Variants in GRM7 observed in about 807,000 individuals in gnomAD.
GRM7 encodes metabotropic glutamate receptor 7.
In GRM7, 35 loss-of-function variants were observed where a neutral mutation model predicts 84.5. The ratio of observed to expected loss-of-function variants is 0.41; its 90% CI spans 0.32 to 0.55. The LOEUF (loss-of-function observed/expected upper bound fraction) is 0.55. Among genes scored for constraint, GRM7 ranks in the 20% least tolerant of loss-of-function variants. The probability of loss-of-function intolerance (pLI) is 0.19; values close to 1 mark genes in which losing one functional copy is unlikely to be tolerated. For synonymous variants in GRM7, 487 were observed against 455.1 expected (o/e 1.07, Z -0.89); for missense variants, 1,003 against 1,194.6 (o/e 0.84, Z 2.36).
intron 2 of GRM7, among the ~76,000 whole-genome samples, chr3:7,193,262 A>G (rs1423439543): frequency 5.9e-5 from 9 of 152,146 alleles, no homozygotes; most frequent in Admixed American, 5.9e-4. Context: ...ACCACAGCAA[A>G]AGGAAATAGA....
At chr3:6,933,747 AC>A (rs372804505) in intron 1 of GRM7, among the ~76,000 whole-genome samples, 93 of 144,992 alleles carry the variant, frequency 6.4e-4, no homozygotes, top group Middle Eastern at 7.1e-3. Flanking sequence ...AAAAAAAAAA[AC>A]AAAACAAAAC....
Position 7,376,463 on chromosome 3 carries a change from A to G in GRM7, c.1034-38560A>G, listed in dbSNP as rs576007689. 5.9e-4 allele frequency among the ~76,000 whole-genome samples: 90 copies of G among 152,312 alleles called. 1 individual carries two copies. Among genetic ancestry groups the G allele is most frequent in the Admixed American group, 9.2e-4 (14 of 15,298 alleles). On this transcript the variant is annotated intron_variant, in intron 4 of 9. Coordinates refer to ENST00000357716, the MANE Select transcript of GRM7 (RefSeq NM_000844.4). Reference sequence around the variant, plus strand: ...GAACAAGCTAGGAGACCTGCTCCGTAGAGACTACCTGGTTATTTACCACAA... The same window carrying G: ...GAACAAGCTAGGAGACCTGCTCCGTGGAGACTACCTGGTTATTTACCACAA...
At chr3:7,060,063 C>T (rs1470951376) in intron 1 of GRM7, among the ~76,000 whole-genome samples, 2 of 151,744 alleles carry the variant, frequency 1.3e-5, no homozygotes, top group African/African-American at 4.8e-5. Context: ...GGCTGGAGTA[C>T]AGAGAAGCAG....
At chr3:6,970,023 A>T (rs1269076308) in intron 1 of GRM7, among the ~76,000 whole-genome samples, 3 of 152,240 alleles carry the variant, frequency 2.0e-5, no homozygotes, top group African/African-American at 4.8e-5. Context: ...AGAAACATTT[A>T]ACCCCACACA....
At chr3:7,020,968 G>T (rs2124911508) in intron 1 of GRM7, among the ~76,000 whole-genome samples, 2 of 152,244 alleles carry the variant, frequency 1.3e-5, no homozygotes, top group African/African-American at 4.8e-5. Context: ...TGTAGATAGG[G>T]TCTCTTAGGA....
intron 7 of GRM7, among the ~76,000 whole-genome samples, chr3:7,569,959 C>T (rs895913457): frequency 1.3e-5 from 2 of 152,172 alleles, no homozygotes; most frequent in Admixed American, 1.3e-4. Context: ...AAGAACCCAC[C>T]AATTCCGGCC....
chr3:7,239,955 A>G (rs1697487268), intron 2 of GRM7, among the ~76,000 whole-genome samples: 2 of 152,056 alleles, frequency 1.3e-5, no homozygotes, highest in Non-Finnish European at 2.9e-5. Context: ...ATTCCTCTGC[A>G]TTTTAAAAAG....
chr3:7,544,263 A>C (rs937647173), intron 7 of GRM7, among the ~76,000 whole-genome samples: 1 of 152,200 alleles, frequency 6.6e-6, no homozygotes, highest in African/African-American at 2.4e-5. Context: ...CCGGGGCTCA[A>C]GGGAAGCTCC....
chr3:6,894,080 C>G (rs1696076669), intron 1 of GRM7: 1 of 152,124 alleles, frequency 6.6e-6, no homozygotes, highest in Non-Finnish European at 1.5e-5. Context: ...AAAAGTTCAA[C>G]CACTATACAT....
rs147026663 is a variant in GRM7, at chr3:7,622,989, C to T, written c.2451+43632C>T. Among the ~76,000 whole-genome samples the T allele has an allele frequency of 3.1e-3, 470 of 152,246 alleles. 1 individual carries two copies. The highest frequency in any genetic ancestry group is 0.011 in the African/African-American group (442 of 41,552). On this transcript the variant is annotated intron_variant, in intron 8 of 9. Transcript: ENST00000357716. Reference sequence around the variant, plus strand: ...GTAACTATGGGCGTCAACTAAGAAACGGTGAATGCTTCACTCCTGCTCTCC... The same window carrying T: ...GTAACTATGGGCGTCAACTAAGAAATGGTGAATGCTTCACTCCTGCTCTCC...
intron 2 of GRM7, among the ~76,000 whole-genome samples, chr3:7,168,513 G>A (rs892343684): frequency 7.2e-5 from 11 of 152,230 alleles, no homozygotes; most frequent in South Asian, 2.1e-4. Flanking sequence ...CCTGCAAACC[G>A]GGAAAAGAGC....
At chr3:6,940,145 G>A (rs1482199964) in intron 1 of GRM7, among the ~76,000 whole-genome samples, 2 of 152,106 alleles carry the variant, frequency 1.3e-5, no homozygotes. Context: ...AGGCTGGAAT[G>A]CAGTGGCACA....
At chr3:7,549,623 C>T (rs1235875715) in intron 7 of GRM7, among the ~76,000 whole-genome samples, 1 of 152,128 alleles carries the variant, frequency 6.6e-6, no homozygotes, top group Non-Finnish European at 1.5e-5. Context: ...GAAGAAAAAA[C>T]TTCTCCCCGT....
intron 1 of GRM7, among the ~76,000 whole-genome samples, chr3:7,039,150 A>G (rs1050829060): frequency 6.6e-6 from 1 of 152,164 alleles, no homozygotes; most frequent in African/African-American, 2.4e-5. Flanking sequence ...GACTCAGAAA[A>G]TGATCTCAAA....
intron 4 of GRM7, among the ~76,000 whole-genome samples, chr3:7,386,196 G>T (rs559995446): frequency 2.0e-5 from 3 of 152,148 alleles, no homozygotes; most frequent in African/African-American, 7.2e-5. Flanking sequence ...TTTGTTACAT[G>T]GATGCTTTTA....
At chr3:7,462,653 A>G (rs1698298091) in intron 7 of GRM7, among the ~76,000 whole-genome samples, 1 of 152,208 alleles carries the variant, frequency 6.6e-6, no homozygotes, top group African/African-American at 2.4e-5. Flanking sequence ...AGGTTATGTC[A>G]TGGTTTCTAT....
intron 4 of GRM7, among the ~76,000 whole-genome samples, chr3:7,390,607 TG>T (rs1479547570): frequency 6.6e-6 from 1 of 152,156 alleles, no homozygotes; most frequent in African/African-American, 2.4e-5. Flanking sequence ...GACTGGTCTT[TG>T]AGCTCTAAAA....
chr3:7,324,095 C>T (rs940604891), intron 4 of GRM7, among the ~76,000 whole-genome samples: 6 of 152,060 alleles, frequency 3.9e-5, no homozygotes, highest in African/African-American at 9.7e-5. Flanking sequence ...TGTGTGAATC[C>T]ATGAACCACC....
At chr3:7,700,512 G>T (rs979352647) in intron 9 of GRM7, among the ~76,000 whole-genome samples, 1 of 152,144 alleles carries the variant, frequency 6.6e-6, no homozygotes, top group African/African-American at 2.4e-5. Flanking sequence ...ATTTTTTCAA[G>T]CTTGACAGTT....
Sources: gnomAD v4.1 joint callset for allele counts (sites outside exome capture counted in the v4.1 genomes callset) on GRCh38, gnomAD v4.1.1 for gene constraint, MANE v1.5 for transcripts, NCBI Gene and HGNC (gene_info 2026-07-23, HGNC 2026-07-21) for gene names.